TAS2R1: variants seen among roughly 807,000 people sequenced by gnomAD.
TAS2R1 encodes the protein taste receptor type 2 member 1.
For synonymous variants in TAS2R1, 141 were observed against 134.2 expected, an observed-to-expected ratio of 1.05 and a Z score of -0.35; for missense variants, 370 against 353.4, an observed-to-expected ratio of 1.05 and a Z score of -0.38.
At chr5:9,711,205 C>T (rs375407653) in intron 1 of TAS2R1, among the ~76,000 whole-genome samples, 19 of 152,016 alleles carry the variant, frequency 1.2e-4, no homozygotes, top group African/African-American at 4.3e-4. Context: ...CAAAGAGATA[C>T]CTGCACTCCC....
At chr5:9,869,826 T>C in the TAS2R1 span, among the ~76,000 whole-genome samples, 1 of 152,212 alleles carries the variant, frequency 6.6e-6, no homozygotes, top group Non-Finnish European at 1.5e-5. Flanking sequence ...TGAGTATGAC[T>C]ATATGCTGAA....
At chr5:9,854,135 T>A in the TAS2R1 span, among the ~76,000 whole-genome samples, 653 of 152,330 alleles carry the variant, frequency 4.3e-3, 3 homozygotes, top group African/African-American at 0.015. Flanking sequence ...CTTCAGCCTC[T>A]CTAGCTTCTA....
chr5:9,885,159 A>G, the TAS2R1 span, among the ~76,000 whole-genome samples: 5 of 152,252 alleles, frequency 3.3e-5, no homozygotes, highest in East Asian at 9.6e-4. Context: ...TTCAAACCCC[A>G]GTAGTCTGAC....
the TAS2R1 span, among the ~76,000 whole-genome samples, chr5:9,801,989 C>G: frequency 2.6e-5 from 4 of 152,158 alleles, no homozygotes; most frequent in African/African-American, 4.8e-5. Context: ...CTTGGGAGCT[C>G]TATGGCCCTG....
intron 1 of TAS2R1, among the ~76,000 whole-genome samples, chr5:9,698,927 A>G (rs752102630): frequency 6.6e-6 from 1 of 152,246 alleles, no homozygotes; most frequent in Non-Finnish European, 1.5e-5. Flanking sequence ...CATATAAAGC[A>G]TATAGCGTAT....
At chr5:9,646,643 A>G (rs1228742330) in intron 2 of TAS2R1, among the ~76,000 whole-genome samples, 6 of 152,300 alleles carry the variant, frequency 3.9e-5, no homozygotes, top group African/African-American at 1.2e-4. Flanking sequence ...ATTTTCATAT[A>G]TAGAAGCTGC....
At chr5:9,855,827 G>A in the TAS2R1 span, among the ~76,000 whole-genome samples, 1 of 152,162 alleles carries the variant, frequency 6.6e-6, no homozygotes. Flanking sequence ...AGGTATTAGG[G>A]CCTAAGGTTT....
At chr5:9,781,869 C>T in the TAS2R1 span, among the ~76,000 whole-genome samples, 12 of 152,318 alleles carry the variant, frequency 7.9e-5, no homozygotes, top group African/African-American at 2.6e-4. Flanking sequence ...CCTGCTCTGA[C>T]TTGTCCTTGT....
At chr5:9,863,439 TG>T in the TAS2R1 span, among the ~76,000 whole-genome samples, 1 of 152,074 alleles carries the variant, frequency 6.6e-6, no homozygotes, top group Non-Finnish European at 1.5e-5. Flanking sequence ...TCTAATTTTT[TG>T]TATTTTTAGT....
the TAS2R1 span, among the ~76,000 whole-genome samples, chr5:9,855,007 G>T: frequency 1.6e-3 from 248 of 152,298 alleles, 1 homozygote; most frequent in Admixed American, 9.9e-3. Flanking sequence ...TGTTTCGAGA[G>T]CCCCCAGCTA....
the TAS2R1 span, among the ~76,000 whole-genome samples, chr5:9,745,363 G>C: frequency 6.6e-6 from 1 of 152,094 alleles, no homozygotes; most frequent in African/African-American, 2.4e-5. Context: ...AAGTTGAAGG[G>C]AGAGATTTTT....
At chr5:9,860,701 G>A in the TAS2R1 span, among the ~76,000 whole-genome samples, 2 of 152,162 alleles carry the variant, frequency 1.3e-5, no homozygotes, top group Admixed American at 6.5e-5. Context: ...GTCTCAAACT[G>A]CAGGAAAAAA....
At chr5:9,703,266 G>T (rs2126527230) in intron 1 of TAS2R1, among the ~76,000 whole-genome samples, 1 of 152,256 alleles carries the variant, frequency 6.6e-6, no homozygotes, top group African/African-American at 2.4e-5. Flanking sequence ...GCACTTTCAG[G>T]TATGATACTG....
At chr5:9,768,312 T>G in the TAS2R1 span, among the ~76,000 whole-genome samples, 1 of 152,206 alleles carries the variant, frequency 6.6e-6, no homozygotes, top group Non-Finnish European at 1.5e-5. Context: ...CTCTGTTTCA[T>G]TGTATTCACA....
the TAS2R1 span, among the ~76,000 whole-genome samples, chr5:9,856,380 G>A: frequency 6.6e-6 from 1 of 152,110 alleles, no homozygotes; most frequent in African/African-American, 2.4e-5. Flanking sequence ...CTTATATTAA[G>A]CAAGGGGAGA....
the TAS2R1 span, among the ~76,000 whole-genome samples, chr5:9,776,677 G>A: frequency 6.6e-6 from 1 of 152,126 alleles, no homozygotes; most frequent in Non-Finnish European, 1.5e-5. Context: ...CTGACTTTCA[G>A]CTTAATGACG....
At chr5:9,635,281 T>C (rs1739942502), upstream of TAS2R1, among the ~76,000 whole-genome samples, 1 of 152,170 alleles carries the variant, frequency 6.6e-6, no homozygotes, top group African/African-American at 2.4e-5. Flanking sequence ...CATTCATGCA[T>C]CCCTAGCATA....
the TAS2R1 span, among the ~76,000 whole-genome samples, chr5:9,845,844 A>G: frequency 6.6e-6 from 1 of 152,238 alleles, no homozygotes; most frequent in Non-Finnish European, 1.5e-5. Flanking sequence ...TAATGTAGTC[A>G]AGAATATCTT....
At chr5:9,847,576 C>T in the TAS2R1 span, among the ~76,000 whole-genome samples, 3 of 152,188 alleles carry the variant, frequency 2.0e-5, no homozygotes, top group Non-Finnish European at 4.4e-5. Flanking sequence ...AAAATACTAA[C>T]AAAAATATAC....
Sources: gnomAD v4.1 joint callset for allele counts (sites outside exome capture counted in the v4.1 genomes callset) on GRCh38, gnomAD v4.1.1 for gene constraint, MANE v1.5 for transcripts, NCBI Gene and HGNC (gene_info 2026-07-23, HGNC 2026-07-21) for gene names.